Variants in VRK2 observed in about 807,000 individuals in gnomAD.
VRK2 encodes VRK serine/threonine kinase 2, also known as serine/threonine-protein kinase VRK2.
VRK2 carries 60 observed loss-of-function variants against 57.6 expected under a neutral mutation model. The ratio of observed to expected loss-of-function variants is 1.04; its 90% CI spans 0.85 to 1.29. The LOEUF (loss-of-function observed/expected upper bound fraction) is 1.29, where lower values mean the gene tolerates loss of function less well. VRK2 is among the 50% of genes most tolerant of loss of function. The pLI, the probability that VRK2 is intolerant of heterozygous loss-of-function variation, is 0.00. For missense variants in VRK2, 705 were observed against 588.1 expected (o/e 1.20, Z -2.06); for synonymous variants, 231 against 199.2 (o/e 1.16, Z -1.35).
chr2:58,141,366 G>T (rs1369329376), intron 11 of VRK2, among the ~76,000 whole-genome samples: 1 of 151,880 alleles, frequency 6.6e-6, no homozygotes, highest in African/African-American at 2.4e-5. Context: ...AGAATTTTCA[G>T]TTTCATCAAA....
intron 5 of VRK2, among the ~76,000 whole-genome samples, chr2:58,087,539 A>G (rs1671799816): frequency 6.6e-6 from 1 of 152,218 alleles, no homozygotes; most frequent in East Asian, 1.9e-4. Flanking sequence ...GCATGCATAG[A>G]TATAGAATAG....
intron 7 of VRK2, among the ~76,000 whole-genome samples, chr2:58,094,575 GT>G (rs1250861676): frequency 3.3e-5 from 5 of 152,156 alleles, no homozygotes; most frequent in African/African-American, 1.2e-4. Context: ...AGACGATGGG[GT>G]TTTCTAAATA....
chr2:57,911,285 T>A (rs1669977740), intron 1 of VRK2, among the ~76,000 whole-genome samples: 1 of 152,170 alleles, frequency 6.6e-6, no homozygotes, highest in East Asian at 1.9e-4. Flanking sequence ...CCCTAGAGAC[T>A]TGTTCTGAGA....
intron 2 of VRK2, among the ~76,000 whole-genome samples, chr2:58,032,706 T>G (rs1254253538): frequency 6.6e-6 from 1 of 152,142 alleles, no homozygotes; most frequent in African/African-American, 2.4e-5. Context: ...TAGAATGTCC[T>G]TCAGTGCTTT....
At chr2:58,087,074 C>A (rs188181961) in intron 5 of VRK2, among the ~76,000 whole-genome samples, 2 of 151,980 alleles carry the variant, frequency 1.3e-5, no homozygotes, top group East Asian at 3.9e-4. Context: ...TATGGCTAGT[C>A]CTATATATAA....
intron 2 of VRK2, among the ~76,000 whole-genome samples, chr2:58,062,268 C>T (rs1205040360): frequency 2.6e-5 from 4 of 152,032 alleles, no homozygotes; most frequent in Non-Finnish European, 5.9e-5. Flanking sequence ...CATGGCCTGA[C>T]TGCACCACTC....
intron 11 of VRK2, among the ~76,000 whole-genome samples, chr2:58,143,564 C>T (rs1286511483): frequency 6.6e-6 from 1 of 151,918 alleles, no homozygotes; most frequent in Non-Finnish European, 1.5e-5. Flanking sequence ...TCATCTCTTC[C>T]AGGAACTTTC....
upstream of VRK2, among the ~76,000 whole-genome samples, chr2:58,041,919 C>T (rs1188975100): frequency 6.6e-6 from 1 of 151,970 alleles, no homozygotes; most frequent in African/African-American, 2.4e-5. Context: ...CCCCTCCTAC[C>T]CCCCTTTCAA....
In VRK2 at chr2:58,135,233, G is replaced by C. The variant is rs764758202; in HGVS notation, c.856+34G>C. 3 of 1,611,612 alleles carry C rather than the reference G, an allele frequency of 1.9e-6. No homozygotes were observed. In the African/African-American group the frequency reaches 4.0e-5, roughly 22 times the overall value. On this transcript the variant is annotated intron_variant, in intron 10 of 12. Transcript: ENST00000340157. Reference sequence around the variant, plus strand: ...AATAATAACTTCAACCTTCTCTTACGATTTACAGGTTGCCACATTTGTCGT... The same window carrying C: ...AATAATAACTTCAACCTTCTCTTACCATTTACAGGTTGCCACATTTGTCGT...
chr2:58,116,243 A>C (rs2104444951), intron 7 of VRK2, among the ~76,000 whole-genome samples: 1 of 152,128 alleles, frequency 6.6e-6, no homozygotes, highest in South Asian at 2.1e-4. Context: ...AGGAGGGAGT[A>C]GAGGTATCTT....
intron 1 of VRK2, among the ~76,000 whole-genome samples, chr2:58,014,759 C>T (rs1673523947): frequency 1.3e-5 from 2 of 152,042 alleles, no homozygotes; most frequent in South Asian, 4.1e-4. Context: ...TTGAATGATA[C>T]CACATTTTAG....
chr2:58,102,443 G>T (rs555577721), intron 7 of VRK2, among the ~76,000 whole-genome samples: 4 of 148,600 alleles, frequency 2.7e-5, no homozygotes, highest in Non-Finnish European at 6.0e-5. Context: ...AAGCAAGCAG[G>T]AGTAGCCATG....
intron 1 of VRK2, among the ~76,000 whole-genome samples, chr2:58,001,077 T>A (rs967261638): frequency 2.0e-5 from 3 of 152,220 alleles, no homozygotes; most frequent in Non-Finnish European, 4.4e-5. Context: ...CACTTCTTAC[T>A]ATACAGATGA....
At chr2:57,931,121 T>A (rs1371206617) in intron 1 of VRK2, among the ~76,000 whole-genome samples, 1 of 152,152 alleles carries the variant, frequency 6.6e-6, no homozygotes, top group East Asian at 1.9e-4. Context: ...TGTGGGTATC[T>A]TTTCAGGATA....
At chr2:57,981,932 C>T (rs1458419855) in intron 1 of VRK2, among the ~76,000 whole-genome samples, 1 of 152,136 alleles carries the variant, frequency 6.6e-6, no homozygotes, top group Non-Finnish European at 1.5e-5. Flanking sequence ...GGAACTAGTG[C>T]AGTCATTTGG....
intron 7 of VRK2, among the ~76,000 whole-genome samples, chr2:58,118,347 A>G (rs1294688548): frequency 1.3e-5 from 2 of 152,256 alleles, no homozygotes; most frequent in East Asian, 3.8e-4. Flanking sequence ...TTAAACATCA[A>G]GGGAAGGCTG....
chr2:58,059,232 C>G (rs562125671), intron 2 of VRK2, among the ~76,000 whole-genome samples: 1 of 151,890 alleles, frequency 6.6e-6, no homozygotes, highest in African/African-American at 2.4e-5. Flanking sequence ...GAAAAAATTG[C>G]GAATAGTCAT....
chr2:58,155,463 A>G (rs1257105434), intron 12 of VRK2, among the ~76,000 whole-genome samples: 1 of 151,854 alleles, frequency 6.6e-6, no homozygotes, highest in Non-Finnish European at 1.5e-5. Context: ...GGAACAGGCT[A>G]TATGGCTCTG....
chr2:57,914,512 C>T (rs1670086880), intron 1 of VRK2, among the ~76,000 whole-genome samples: 1 of 152,052 alleles, frequency 6.6e-6, no homozygotes, highest in African/African-American at 2.4e-5. Context: ...ATGACGACCT[C>T]TGCTATGAGT....
Sources: allele counts gnomAD v4.1 joint callset (sites outside exome capture counted in the v4.1 genomes callset), GRCh38; gene constraint gnomAD v4.1.1; transcripts MANE v1.5; gene names NCBI Gene and HGNC (gene_info 2026-07-23, HGNC 2026-07-21).